Variants in RBFOX1 observed in about 807,000 individuals in gnomAD.
The protein encoded by RBFOX1 is RNA binding fox-1 homolog 1, also known as RNA binding protein fox-1 homolog 1.
Under a neutral mutation model 57.7 loss-of-function variants are expected in RBFOX1, and 8 were observed. The ratio of observed to expected loss-of-function variants is 0.14; its 90% confidence interval spans 0.08 to 0.25. The LOEUF is 0.25. Ranked by LOEUF, RBFOX1 falls within the 10% of genes least tolerant of loss-of-function variation. RBFOX1 has a pLI of 1.00. For synonymous variants in RBFOX1, 326 were observed against 222.4 expected (o/e 1.47, Z -4.15); for missense variants, 611 against 548.5 (o/e 1.11, Z -1.14).
At chr16:7,296,336 G>A (rs962227740) in intron 4 of RBFOX1, among the ~76,000 whole-genome samples, 3 of 148,474 alleles carry the variant, frequency 2.0e-5, no homozygotes, top group Non-Finnish European at 3.0e-5. Flanking sequence ...GACAGTGTAT[G>A]TGAGTTTATG....
intron 3 of RBFOX1, among the ~76,000 whole-genome samples, chr16:6,942,357 A>G (rs2078696618): frequency 1.3e-5 from 2 of 151,948 alleles, no homozygotes; most frequent in Admixed American, 6.6e-5. Context: ...TTTTTGTGAC[A>G]TTTTGTTGCC....
intron 4 of RBFOX1, among the ~76,000 whole-genome samples, chr16:5,944,385 G>C (rs900945591): frequency 6.6e-6 from 1 of 152,170 alleles, no homozygotes; most frequent in Non-Finnish European, 1.5e-5. Context: ...TGTATACATA[G>C]CAGTTACATG....
intron 3 of RBFOX1, among the ~76,000 whole-genome samples, chr16:6,809,551 C>CTA (rs1603627537): frequency 6.6e-6 from 1 of 152,134 alleles, no homozygotes; most frequent in African/African-American, 2.4e-5. Flanking sequence ...GCACCTGAGA[C>CTA]TATATCCTAT....
chr16:6,688,168 T>C (rs541273013), intron 3 of RBFOX1, among the ~76,000 whole-genome samples: 4 of 151,942 alleles, frequency 2.6e-5, no homozygotes, highest in Non-Finnish European at 5.9e-5. Flanking sequence ...TTCAGAAGAC[T>C]TTCAGTCATG....
intron 4 of RBFOX1, among the ~76,000 whole-genome samples, chr16:7,420,481 A>G (rs1356943561): frequency 2.0e-5 from 3 of 152,234 alleles, no homozygotes; most frequent in Non-Finnish European, 2.9e-5. Context: ...AGAATTGTCT[A>G]AATCGATACA....
rs78090881 is a variant in RBFOX1 at position 5,620,319 on chromosome 16, C to G, written c.318+21358C>G. 5.7e-3 allele frequency among the ~76,000 whole-genome samples: 875 copies of G among 152,308 alleles called. 8 individuals carry two copies. The highest frequency in any genetic ancestry group is 0.02 in the African/African-American group (836 of 41,574). On this transcript the variant is annotated intron_variant, in intron 3 of 19. Coordinates refer to the RBFOX1 transcript ENST00000641259. ...CTCTCTTCCCCACATTGCCGCATCTCTACACATGGTGTGGAGAGACATCAC... is the reference window on the plus strand; with the variant it reads ...CTCTCTTCCCCACATTGCCGCATCTGTACACATGGTGTGGAGAGACATCAC...
At chr16:6,949,530 C>G (rs757643709) in intron 3 of RBFOX1, among the ~76,000 whole-genome samples, 132 of 152,246 alleles carry the variant, frequency 8.7e-4, no homozygotes, top group African/African-American at 3.0e-3. Flanking sequence ...TCTTGGGCCT[C>G]TCTCCCTGGT....
intron 3 of RBFOX1, among the ~76,000 whole-genome samples, chr16:5,701,013 A>G (rs1490536725): frequency 6.6e-6 from 1 of 152,186 alleles, no homozygotes; most frequent in African/African-American, 2.4e-5. Flanking sequence ...AAAAGAGGAG[A>G]TGTTCACTGC....
chr16:5,730,036 C>G (rs921876233), intron 3 of RBFOX1, among the ~76,000 whole-genome samples: 1 of 152,188 alleles, frequency 6.6e-6, no homozygotes, highest in Non-Finnish European at 1.5e-5. Context: ...CATCTAGACT[C>G]AATTCCACTT....
intron 4 of RBFOX1, among the ~76,000 whole-genome samples, chr16:7,095,711 T>G (rs1448719601): frequency 6.6e-6 from 1 of 152,190 alleles, no homozygotes; most frequent in Admixed American, 6.5e-5. Flanking sequence ...AATTTGTTTT[T>G]TAATTCATTT....
chr16:6,740,714 A>C (rs1033900087), intron 3 of RBFOX1, among the ~76,000 whole-genome samples: 3 of 152,226 alleles, frequency 2.0e-5, no homozygotes, highest in Non-Finnish European at 4.4e-5. Flanking sequence ...CTGATGAAAA[A>C]GGCCAACATG....
intron 3 of RBFOX1, among the ~76,000 whole-genome samples, chr16:5,619,396 G>T (rs1215974472): frequency 1.3e-5 from 2 of 152,162 alleles, no homozygotes; most frequent in African/African-American, 4.8e-5. Flanking sequence ...GAGGCCCAGA[G>T]ACCTGGGGCT....
At chr16:6,411,891 T>A (rs1236916161) in intron 2 of RBFOX1, among the ~76,000 whole-genome samples, 2 of 152,024 alleles carry the variant, frequency 1.3e-5, no homozygotes, top group African/African-American at 2.4e-5. Context: ...CCCAGCACTT[T>A]GGGCGGCTGA....
intron 3 of RBFOX1, among the ~76,000 whole-genome samples, chr16:5,620,811 C>T (rs963875661): frequency 3.9e-5 from 6 of 152,002 alleles, no homozygotes; most frequent in African/African-American, 9.7e-5. Flanking sequence ...CTTGAGTAGC[C>T]GGGACCACAG....
chr16:7,225,905 A>AATAAATAAATATAG (rs66510060), intron 4 of RBFOX1, among the ~76,000 whole-genome samples: 1 of 93,752 alleles, frequency 1.1e-5, no homozygotes, highest in East Asian at 2.2e-4. Flanking sequence ...AAGTATAATA[A>AATAAATAAATATAG]ATATATATAT....
chr16:7,192,518 C>G (rs1466961279), intron 4 of RBFOX1, among the ~76,000 whole-genome samples: 1 of 152,102 alleles, frequency 6.6e-6, no homozygotes, highest in Non-Finnish European at 1.5e-5. Flanking sequence ...TATTGAGGTA[C>G]TGAAGCATCA....
chr16:6,258,499 T>C (rs1448706342), intron 1 of RBFOX1, among the ~76,000 whole-genome samples: 2 of 152,190 alleles, frequency 1.3e-5, no homozygotes, highest in East Asian at 3.9e-4. Flanking sequence ...TAATCTTCCA[T>C]CACAATTCTG....
At chr16:7,077,100 T>G (rs144406639) in intron 4 of RBFOX1, among the ~76,000 whole-genome samples, 4 of 152,212 alleles carry the variant, frequency 2.6e-5, no homozygotes, top group Admixed American at 1.3e-4. Flanking sequence ...GATGCACTTA[T>G]AATTTTCTGC....
intron 3 of RBFOX1, among the ~76,000 whole-genome samples, chr16:5,810,529 C>T (rs1465562612): frequency 6.6e-6 from 1 of 152,178 alleles, no homozygotes; most frequent in Admixed American, 6.5e-5. Flanking sequence ...CAGCTCAGCA[C>T]ACATACCTGC....
Sources: gnomAD v4.1 joint callset for allele counts (sites outside exome capture counted in the v4.1 genomes callset) on GRCh38, gnomAD v4.1.1 for gene constraint, MANE v1.5 for transcripts, NCBI Gene and HGNC (gene_info 2026-07-23, HGNC 2026-07-21) for gene names.